ALDH2: variants seen among roughly 807,000 people sequenced by gnomAD.
ALDH2 encodes aldehyde dehydrogenase, mitochondrial.
In ALDH2, 44 loss-of-function variants were observed where a neutral mutation model predicts 59.6. The observed-to-expected ratio is 0.74, with a 90% CI of 0.58 to 0.95. ALDH2 has a LOEUF of 0.95. ALDH2 is among the 40% of genes least tolerant of loss of function. The pLI, the probability that ALDH2 is intolerant of heterozygous loss-of-function variation, is 0.00. For missense variants in ALDH2, 570 were observed against 696.3 expected, an observed-to-expected ratio of 0.82 and a Z score of 2.04; for synonymous variants, 291 against 284.0, an observed-to-expected ratio of 1.02 and a Z score of -0.25.
intron 10 of ALDH2, among the ~76,000 whole-genome samples, chr12:111,799,066 T>A (rs1468994391): frequency 6.6e-6 from 1 of 152,130 alleles, no homozygotes; most frequent in Admixed American, 6.6e-5. Context: ...GGTTTCACCA[T>A]GTTGATCAGA....
chr12:111,798,092 GT>G lies in ALDH2; in HGVS notation c.1101del (p.Phe367LeufsTer44), dbSNP rs997448363. 1 of 1,614,044 alleles carries G rather than the reference GT, an allele frequency of 6.2e-7. No homozygotes were observed. Among genetic ancestry groups the G allele is most frequent in the Non-Finnish European group, 8.5e-7 (1 of 1,180,046 alleles). On this transcript the variant is annotated frameshift_variant, in exon 10 of 13. Coordinates refer to ENST00000261733, the MANE Select transcript of ALDH2 (RefSeq NM_000690.4). LOFTEE classifies it high-confidence loss of function. ...TTCTCCCACAGGTGGATGAAACTCA[GT>G]TTAAGAAGATCCTCGGCTACATCAA... The part of the protein sequence containing the change: ...EQGPQVDETQ[F>X]KKILGYINTG...
chr12:111,802,353 A>C (rs1027001070), intron 11 of ALDH2, among the ~76,000 whole-genome samples: 1 of 149,470 alleles, frequency 6.7e-6, no homozygotes, highest in Non-Finnish European at 1.5e-5. Context: ...CAGAGGTTAC[A>C]GTGAGTTGAG....
intron 11 of ALDH2, 47 bp from the exon 12 acceptor site, chr12:111,803,812 C>G (rs2068472466): frequency 1.4e-6 from 2 of 1,414,820 alleles, no homozygotes; most frequent in Non-Finnish European, 1.9e-6. Flanking sequence ...GGGAGTGTAA[C>G]CCATAACCCC....
At chr12:111,784,568 G>A (rs2068296334) in intron 3 of ALDH2, among the ~76,000 whole-genome samples, 1 of 152,174 alleles carries the variant, frequency 6.6e-6, no homozygotes, top group Admixed American at 6.5e-5. Flanking sequence ...TTTCTAGACA[G>A]GGCTGGGCAG....
intron 10 of ALDH2, 26 bp downstream of exon 10, chr12:111,798,268 G>T: frequency 6.6e-7 from 1 of 1,523,062 alleles, no homozygotes; most frequent in Non-Finnish European, 8.8e-7. Context: ...CAGTGCTCTG[G>T]AAACATTCTT....
chr12:111,775,984 G>A (rs1389785433), intron 1 of ALDH2, among the ~76,000 whole-genome samples: 1 of 152,220 alleles, frequency 6.6e-6, no homozygotes, highest in Non-Finnish European at 1.5e-5. Context: ...GTGGAGAAGG[G>A]AGGATGGGTT....
At chr12:111,767,804 T>C (rs1158941182) in intron 1 of ALDH2, among the ~76,000 whole-genome samples, 1 of 152,230 alleles carries the variant, frequency 6.6e-6, no homozygotes, top group African/African-American at 2.4e-5. Flanking sequence ...TTGAGTTTGG[T>C]TAAAGTTCTA....
intron 4 of ALDH2, among the ~76,000 whole-genome samples, chr12:111,786,033 T>TAGC (rs2068306009): frequency 6.6e-6 from 1 of 152,202 alleles, no homozygotes; most frequent in African/African-American, 2.4e-5. Context: ...ATTTGGGTCT[T>TAGC]CTCTCTGTTT....
intron 1 of ALDH2, among the ~76,000 whole-genome samples, chr12:111,768,595 T>A (rs1186351245): frequency 3.3e-5 from 5 of 152,136 alleles, no homozygotes; most frequent in Non-Finnish European, 4.4e-5. Context: ...TCCCAGCATT[T>A]TGGGAGGCCG....
At position 111,811,905 on chromosome 12, in the gene ALDH2, C is replaced by G. The variant is rs958648051; in HGVS notation, c.*2330C>G. 3.8e-5 allele frequency: 7 copies of G among 182,880 alleles called. No individual in the cohort carries two copies. Among genetic ancestry groups the G allele is most frequent in the Non-Finnish European group, 4.3e-5 (4 of 92,472 alleles). 11.3% of individuals were successfully genotyped at this position (182,880 alleles called of 1,614,324 possible). On this transcript the variant is annotated 3_prime_UTR_variant, in exon 13 of 13. Coordinates refer to ENST00000261733, the MANE Select transcript of ALDH2 (RefSeq NM_000690.4). ...GCTGGGCTTGGGGGACCACTACCACCAAGAGGCGGAGACCGGTAGAGGCCC... is the reference window on the plus strand; with the variant it reads ...GCTGGGCTTGGGGGACCACTACCACGAAGAGGCGGAGACCGGTAGAGGCCC...
chr12:111,789,857 A>G lies in ALDH2; in HGVS notation c.475A>G (p.Lys159Glu). ...YAGWADKYHGKTIPIDGDFFS... is the reference protein window; with the variant it reads ...YAGWADKYHGETIPIDGDFFS... ...CGGCTGGGCTGATAAGTACCACGGGAAAACCATCCCCATTGACGGAGACTT... is the reference window on the plus strand; with the variant it reads ...CGGCTGGGCTGATAAGTACCACGGGGAAACCATCCCCATTGACGGAGACTT... Residue 159 changes from lysine to glutamate, a missense_variant, in exon 5 of 13, where the codon AAA (lysine) becomes GAA (glutamate). Lys to Glu is a moderately conservative substitution (Grantham distance 56). Coordinates refer to ENST00000261733, the MANE Select transcript of ALDH2 (RefSeq NM_000690.4). 1.2e-6 allele frequency: 2 copies of G among 1,614,150 alleles called. No individual in the cohort carries two copies. Among genetic ancestry groups the G allele is most frequent in the Non-Finnish European group, 1.7e-6 (2 of 1,180,018 alleles).
chr12:111,774,150 A>G (rs557808902), intron 1 of ALDH2, among the ~76,000 whole-genome samples: 1 of 152,132 alleles, frequency 6.6e-6, no homozygotes, highest in Non-Finnish European at 1.5e-5. Flanking sequence ...GAAGTGGTGA[A>G]AAAAGGCCCT....
At chr12:111,780,758 C>T (rs888223431) in intron 1 of ALDH2, among the ~76,000 whole-genome samples, 2 of 152,132 alleles carry the variant, frequency 1.3e-5, no homozygotes, top group African/African-American at 2.4e-5. Flanking sequence ...TTTGGCTGTA[C>T]TGTGTCCTCA....
rs2068560284 is a variant in ALDH2, at chr12:111,814,809, T to C, written c.*5234T>C. On this transcript the variant is annotated 3_prime_UTR_variant, in exon 13 of 13. Coordinates refer to ENST00000261733, the MANE Select transcript of ALDH2 (RefSeq NM_000690.4). ...GCCAAGATTGTGCCACTGCACTCCA[T>C]GGGTGACACAGAGAGACTCTGTCTC... is the stretch of plus-strand genomic sequence containing the variant. 1 of 146,552 alleles carries C rather than the reference T, an allele frequency of 6.8e-6. No homozygotes were observed. The highest frequency in any genetic ancestry group is 7.0e-5 in the Admixed American group (1 of 14,332). 9.1% of individuals were successfully genotyped at this position (146,552 alleles called of 1,614,324 possible).
chr12:111,815,654 T>G lies in ALDH2; in HGVS notation c.*6079T>G, dbSNP rs2068564868. The G allele has an allele frequency of 6.6e-6, 1 of 152,094 alleles. No individual in the cohort carries two copies. Among genetic ancestry groups the G allele is most frequent in the African/African-American group, 2.4e-5 (1 of 41,406 alleles). The allele number at this position is 152,094 out of a possible 1,614,324, so 9.4% of individuals were successfully genotyped here. On this transcript the variant is annotated 3_prime_UTR_variant, in exon 13 of 13. Coordinates refer to ENST00000261733, the MANE Select transcript of ALDH2 (RefSeq NM_000690.4). ...ACCTGAGAGTCTAATGGCTTATTTT[T>G]TGTAGAGATGGGGTCTCACTGTGTT... is the stretch of plus-strand genomic sequence containing the variant.
chr12:111,814,092 A>G lies in ALDH2; in HGVS notation c.*4517A>G. The G allele has an allele frequency of 6.6e-6, 1 of 152,438 alleles. No homozygotes were observed. The highest frequency in any genetic ancestry group is 1.5e-5 in the Non-Finnish European group (1 of 68,196). The allele number at this position is 152,438 out of a possible 1,614,324, so 9.4% of individuals were successfully genotyped here. ...GCCGGGCGCGGTGGCTCACGCCTGT[A>G]ATCCCAGCACTTTGGGAGGCTGAGG... On this transcript the variant is annotated 3_prime_UTR_variant, in exon 13 of 13. Coordinates refer to ENST00000261733, the MANE Select transcript of ALDH2 (RefSeq NM_000690.4).
intron 7 of ALDH2, among the ~76,000 whole-genome samples, 167 bp from the exon 8 acceptor site, chr12:111,791,894 C>T (rs1752255247): frequency 6.6e-6 from 1 of 151,982 alleles, no homozygotes; most frequent in Non-Finnish European, 1.5e-5. Context: ...AGAGCGAGAC[C>T]CTGTCCAAAA....
intron 1 of ALDH2, among the ~76,000 whole-genome samples, chr12:111,768,158 G>GGC (rs2068173235): frequency 6.6e-6 from 1 of 152,206 alleles, no homozygotes. Context: ...CAAAGTCAGT[G>GGC]GCATAGTTGG....
intron 12 of ALDH2, among the ~76,000 whole-genome samples, chr12:111,807,318 C>G (rs1250737010): frequency 1.3e-5 from 2 of 151,884 alleles, no homozygotes; most frequent in African/African-American, 4.8e-5. Context: ...GCCTCTGTAT[C>G]CCCACCATAA....
Sources: allele counts gnomAD v4.1 joint callset (sites outside exome capture counted in the v4.1 genomes callset), GRCh38; gene constraint gnomAD v4.1.1; transcripts MANE v1.5; gene names NCBI Gene and HGNC (gene_info 2026-07-23, HGNC 2026-07-21).